Variants in PIEZO1 observed in about 807,000 individuals in gnomAD.
The protein encoded by PIEZO1 is piezo type mechanosensitive ion channel component 1 (Er blood group).
In PIEZO1, 296 loss-of-function variants were observed where a neutral mutation model predicts 297.2. That is an observed-to-expected ratio of 1.00 (90% CI 0.91 to 1.10). The LOEUF is 1.10. Ranked by LOEUF, PIEZO1 falls within the 50% of genes least tolerant of loss-of-function variation. PIEZO1 has a pLI of 0.00. For missense variants in PIEZO1, 5,018 were observed against 3,455.5 expected, an observed-to-expected ratio of 1.45 and a Z score of -11.34; for synonymous variants, 2,427 against 1,507.5, an observed-to-expected ratio of 1.61 and a Z score of -14.13.
At chr16:88,733,184 C>A (rs536871962) in intron 19 of PIEZO1, 94 bp downstream of exon 19, 7 of 1,171,402 alleles carry the variant, frequency 6.0e-6, no homozygotes, top group Non-Finnish European at 1.2e-6. Flanking sequence ...CATTGCTGGC[C>A]CCACTGCACT....
chr16:88,772,837 G>A (rs895459834), intron 1 of PIEZO1, among the ~76,000 whole-genome samples: 1 of 150,342 alleles, frequency 6.7e-6, no homozygotes, highest in South Asian at 2.1e-4. Flanking sequence ...GATGCCCGCC[G>A]CAGCCCTGGC....
intron 1 of PIEZO1, among the ~76,000 whole-genome samples, chr16:88,767,199 G>A (rs971983416): frequency 3.9e-5 from 6 of 152,220 alleles, no homozygotes; most frequent in African/African-American, 1.4e-4. Context: ...GGTCTCATGA[G>A]TCTCGGGACA....
At chr16:88,776,521 C>A (rs1016567864) in intron 1 of PIEZO1, among the ~76,000 whole-genome samples, 1 of 152,112 alleles carries the variant, frequency 6.6e-6, no homozygotes, top group Non-Finnish European at 1.5e-5. Context: ...GGAGGGGCCC[C>A]ACTAGCTGCC....
intron 1 of PIEZO1, among the ~76,000 whole-genome samples, chr16:88,761,541 G>A (rs1280209384): frequency 2.0e-5 from 3 of 152,182 alleles, no homozygotes; most frequent in African/African-American, 4.8e-5. Context: ...GGGTGGGGGC[G>A]GGTGAGCTGG....
In PIEZO1 at chr16:88,738,848, C is replaced by A. The variant is rs57868176; in HGVS notation, c.466-112G>T. On this transcript the variant is annotated intron_variant, in intron 5 of 50. Transcript: ENST00000301015. ...GAGGCGGCCACATCCACAGCTGCTC[C>A]TCTGAGGGCCACAGGACAGCCTCCC... The A allele has an allele frequency of 9.2e-3, 8,773 of 951,488 alleles. 500 individuals are homozygous for A. In the African/African-American group the frequency reaches 0.13, roughly 14 times the overall value. The allele number at this position is 951,488 out of a possible 1,614,324, so 58.9% of individuals were successfully genotyped here.
At chr16:88,722,770 G>C (rs34745095) in intron 34 of PIEZO1, 67 bp downstream of exon 34, 95 of 1,529,240 alleles carry the variant, frequency 6.2e-5, no homozygotes, top group South Asian at 2.7e-4. Flanking sequence ...CGCGGGACTA[G>C]GCTGTTAAGC....
At chr16:88,768,312 C>A (rs953110223) in intron 1 of PIEZO1, among the ~76,000 whole-genome samples, 1 of 152,178 alleles carries the variant, frequency 6.6e-6, no homozygotes, top group Non-Finnish European at 1.5e-5. Context: ...CACGGCAGGC[C>A]GGCTCCAAGA....
At chr16:88,742,728 A>C in intron 2 of PIEZO1, 4 of 406,072 alleles carry the variant, frequency 9.9e-6, no homozygotes, top group South Asian at 9.5e-5. Context: ...TCCCTCATCC[A>C]GCAAATACCT....
chr16:88,722,030 C>T lies in PIEZO1; in HGVS notation c.4992G>A (p.Leu1664=), dbSNP rs186462241. 3.0e-5 allele frequency: 46 copies of T among 1,548,210 alleles called. No homozygotes were observed. In the Admixed American group the frequency reaches 8.6e-4, roughly 29 times the overall value. Residue 1664 remains leucine, a synonymous_variant, in exon 37 of 51, where the codon CTG becomes CTA. Coordinates refer to ENST00000301015, the MANE Select transcript of PIEZO1 (RefSeq NM_001142864.4). ...LRIPELEEAE[L]FAEGQGRALR... ...GCGCCCGGCCCTGCCCCTCCGCAAACAGCTCTGCCTCCTCCAGCTCTGGGA... is the reference window on the plus strand; with the variant it reads ...GCGCCCGGCCCTGCCCCTCCGCAAATAGCTCTGCCTCCTCCAGCTCTGGGA...
At chr16:88,767,697 C>T (rs1907239570) in intron 1 of PIEZO1, among the ~76,000 whole-genome samples, 1 of 152,144 alleles carries the variant, frequency 6.6e-6, no homozygotes, top group Admixed American at 6.5e-5. Context: ...CCAGGGTCCC[C>T]AAAGGTCACA....
chr16:88,754,912 C>T (rs752371945), intron 1 of PIEZO1, among the ~76,000 whole-genome samples: 5 of 152,256 alleles, frequency 3.3e-5, no homozygotes, highest in Non-Finnish European at 4.4e-5. Context: ...GGCGTGCCGT[C>T]CCGCTCCACG....
Position 88,742,247 on chromosome 16 carries a change from C to A in PIEZO1, c.283+53G>T, listed in dbSNP as rs1410928287. ...GGAGACTCGGGGTCACTGCAGGGCC[C>A]TCTCCCTGACCCCCAGGATGGCTAT... On this transcript the variant is annotated intron_variant, in intron 3 of 50. Transcript: ENST00000301015. 4.6e-6 allele frequency: 7 copies of A among 1,514,568 alleles called. No homozygotes were observed. In the East Asian group the frequency reaches 1.7e-4, roughly 37 times the overall value. 93.8% of individuals were successfully genotyped at this position (1,514,568 alleles called of 1,614,324 possible).
At chr16:88,744,987 C>T (rs1905950442) in intron 2 of PIEZO1, 1 of 152,212 alleles carries the variant, frequency 6.6e-6, no homozygotes, top group African/African-American at 2.4e-5. Flanking sequence ...CACCGGCCCT[C>T]TTCTCCGACG....
At chr16:88,739,771 CCT>C (rs1357482828) in intron 5 of PIEZO1, 2 of 152,494 alleles carry the variant, frequency 1.3e-5, no homozygotes, top group Non-Finnish European at 2.9e-5. Context: ...TGAGCCCACC[CCT>C]CTCAGAGACC....
In PIEZO1 at chr16:88,715,445, T is replaced by G; in HGVS notation, c.*160A>C. 1 of 947,706 alleles carries G rather than the reference T, an allele frequency of 1.1e-6. No homozygotes were observed. The highest frequency in any genetic ancestry group is 1.6e-6 in the Non-Finnish European group (1 of 641,924). 58.7% of individuals were successfully genotyped at this position (947,706 alleles called of 1,614,324 possible). A position where few individuals can be genotyped will look rare whatever the true frequency, so the allele number is the denominator to read the frequency against. On this transcript the variant is annotated 3_prime_UTR_variant, in exon 51 of 51. Coordinates refer to ENST00000301015, the MANE Select transcript of PIEZO1 (RefSeq NM_001142864.4). ...GCAGGCCGTGGGGACGCAGTGTCCT[T>G]CTCTGACAGCAGCATCAGGGCTCAG... is the stretch of plus-strand genomic sequence containing the variant.
intron 1 of PIEZO1, among the ~76,000 whole-genome samples, chr16:88,751,844 G>A (rs1461248236): frequency 6.6e-5 from 10 of 152,170 alleles, no homozygotes; most frequent in Admixed American, 6.5e-4. Context: ...CACCTGTCCA[G>A]CCAGGTGGCA....
At chr16:88,755,146 C>G (rs1196711172) in intron 1 of PIEZO1, among the ~76,000 whole-genome samples, 1 of 152,206 alleles carries the variant, frequency 6.6e-6, no homozygotes, top group Non-Finnish European at 1.5e-5. Context: ...AGGACCACGA[C>G]TGTCACCTCC....
At chr16:88,740,518 G>C (rs369754056) in intron 5 of PIEZO1, 1 of 152,288 alleles carries the variant, frequency 6.6e-6, no homozygotes, top group African/African-American at 2.4e-5. Flanking sequence ...CCCCTCAAAT[G>C]CCCGGAAAAG....
At position 88,721,567 on chromosome 16, in the gene PIEZO1, C is replaced by T; in HGVS notation, c.5374G>A (p.Ala1792Thr). The part of the protein sequence containing the change: ...YIKYDLVQLM[A>T]LFFHRSQLLC... The stretch of plus-strand genomic sequence containing the variant: ...AGCTGGGAGCGGTGGAAGAAAAGGG[C>T]CATGAGCTGCACCAGGTCGTACTTG... Residue 1792 changes from alanine to threonine, a missense_variant, in exon 38 of 51, where the codon GCC becomes ACC. Coordinates refer to ENST00000301015, the MANE Select transcript of PIEZO1 (RefSeq NM_001142864.4). 1 of 1,550,116 alleles carries T rather than the reference C, an allele frequency of 6.5e-7. No homozygotes were observed. Among genetic ancestry groups the T allele is most frequent in the Non-Finnish European group, 8.7e-7 (1 of 1,146,814 alleles).
Sources: allele counts gnomAD v4.1 joint callset (sites outside exome capture counted in the v4.1 genomes callset), GRCh38; gene constraint gnomAD v4.1.1; transcripts MANE v1.5; gene names NCBI Gene and HGNC (gene_info 2026-07-23, HGNC 2026-07-21).